The following FAM117B variants were observed in gnomAD, a reference collection of about 807,000 sequenced individuals.
FAM117B encodes the protein family with sequence similarity 117 member B.
A neutral mutation model predicts 52.8 loss-of-function variants in FAM117B; 22 were observed. The ratio of observed to expected loss-of-function variants is 0.42; its 90% CI spans 0.30 to 0.59. The LOEUF is 0.59. Among genes scored for constraint, FAM117B ranks in the 20% least tolerant of loss-of-function variants. FAM117B has a pLI of 0.22. For missense variants in FAM117B, 678 were observed against 802.6 expected, an observed-to-expected ratio of 0.84 and a Z score of 1.88; for synonymous variants, 309 against 324.1, an observed-to-expected ratio of 0.95 and a Z score of 0.50.
At chr2:202,688,617 A>G (rs1195563973) in intron 1 of FAM117B, among the ~76,000 whole-genome samples, 2 of 152,168 alleles carry the variant, frequency 1.3e-5, no homozygotes, top group African/African-American at 4.8e-5. Context: ...AATATTGTTA[A>G]TATATAAAAG....
intron 4 of FAM117B, among the ~76,000 whole-genome samples, chr2:202,753,267 G>A (rs1691752820): frequency 6.6e-6 from 1 of 152,148 alleles, no homozygotes; most frequent in Non-Finnish European, 1.5e-5. Context: ...AAGCAATGAG[G>A]AAAGGATCTC....
chr2:202,676,175 C>T (rs767550223), intron 1 of FAM117B, among the ~76,000 whole-genome samples: 4 of 151,848 alleles, frequency 2.6e-5, no homozygotes, highest in Non-Finnish European at 5.9e-5. Flanking sequence ...TGTCTGTGGC[C>T]AACAACAGTC....
At chr2:202,746,135 T>TA (rs1285109915) in intron 4 of FAM117B, among the ~76,000 whole-genome samples, 1 of 152,174 alleles carries the variant, frequency 6.6e-6, no homozygotes, top group African/African-American at 2.4e-5. Context: ...ATCCAATAGC[T>TA]ACAGAATACA....
At chr2:202,706,297 T>C in intron 2 of FAM117B, among the ~76,000 whole-genome samples, 1 of 152,206 alleles carries the variant, frequency 6.6e-6, no homozygotes, top group East Asian at 1.9e-4. Flanking sequence ...TCTGAGGCTA[T>C]TTTTTTAAAA....
Position 202,672,340 on chromosome 2 carries a change from G to A in FAM117B, c.602-23541G>A, listed in dbSNP as rs116169320. Among the ~76,000 whole-genome samples the A allele has an allele frequency of 3.6e-3, 555 of 152,262 alleles. 5 individuals carry two copies. The highest frequency in any genetic ancestry group is 0.013 in the African/African-American group (535 of 41,540). On this transcript the variant is annotated intron_variant, in intron 1 of 7. Transcript: ENST00000392238. ...CGATTTACCCACCTCAGCCTCCTGAGTCGCTGGGGTTACAGGCGTGCGCCA... is the reference window on the plus strand; with the variant it reads ...CGATTTACCCACCTCAGCCTCCTGAATCGCTGGGGTTACAGGCGTGCGCCA...
At chr2:202,682,625 G>A (rs527943424) in intron 1 of FAM117B, among the ~76,000 whole-genome samples, 30 of 152,272 alleles carry the variant, frequency 2.0e-4, no homozygotes, top group African/African-American at 7.2e-4. Flanking sequence ...ACTGCACCTG[G>A]AACATTCACC....
At chr2:202,667,468 G>C (rs1369897453) in intron 1 of FAM117B, among the ~76,000 whole-genome samples, 1 of 152,096 alleles carries the variant, frequency 6.6e-6, no homozygotes, top group Non-Finnish European at 1.5e-5. Context: ...GTGTCTGTGT[G>C]TGTGTGTCTG....
chr2:202,636,782 G>T (rs955827513), intron 1 of FAM117B, among the ~76,000 whole-genome samples: 1 of 152,210 alleles, frequency 6.6e-6, no homozygotes, highest in Non-Finnish European at 1.5e-5. Flanking sequence ...GGAATTTCAG[G>T]AAACAAATTC....
At position 202,661,055 on chromosome 2, in the gene FAM117B, A is replaced by G. The variant is rs367598512; in HGVS notation, c.601+25267A>G. 1.2e-4 allele frequency among the ~76,000 whole-genome samples: 19 copies of G among 152,328 alleles called. 1 individual carries two copies. The highest frequency in any genetic ancestry group is 6.5e-4 in the Admixed American group (10 of 15,300). On this transcript the variant is annotated intron_variant, in intron 1 of 7. Transcript: ENST00000392238. The stretch of plus-strand genomic sequence containing the variant: ...CTGCCCACTCCTACTGTGCAGTTCT[A>G]AGATTTGGGATGCCCTTGAATCTAA...
chr2:202,753,445 C>G (rs968943805), intron 4 of FAM117B, among the ~76,000 whole-genome samples: 2 of 152,118 alleles, frequency 1.3e-5, no homozygotes, highest in South Asian at 2.1e-4. Flanking sequence ...ATTCAGGACA[C>G]AGGCATGGGC....
chr2:202,696,079 A>G, intron 2 of FAM117B, 47 bp downstream of exon 2: 1 of 1,579,582 alleles, frequency 6.3e-7, no homozygotes, highest in African/African-American at 1.4e-5. Context: ...CTCTGAAGCT[A>G]CTTCTTCTAA....
At position 202,768,127 on chromosome 2, in the gene FAM117B, A is replaced by G. The variant is rs1251588545; in HGVS notation, c.*2363A>G. The G allele has an allele frequency of 6.6e-6, 1 of 152,192 alleles. No homozygotes were observed. Among genetic ancestry groups the G allele is most frequent in the Non-Finnish European group, 1.5e-5 (1 of 68,032 alleles). 9.4% of individuals were successfully genotyped at this position (152,192 alleles called of 1,614,324 possible). A position where few individuals can be genotyped will look rare whatever the true frequency, so the allele number is the denominator to read the frequency against. On this transcript the variant is annotated 3_prime_UTR_variant, in exon 8 of 8. Transcript: ENST00000392238. ...GTTTTTGGATGACTTGAATTCTGTTAAATCTGTGTTCTTGGCCTTGCACTT... is the reference window on the plus strand; with the variant it reads ...GTTTTTGGATGACTTGAATTCTGTTGAATCTGTGTTCTTGGCCTTGCACTT...
In FAM117B at chr2:202,635,754, G is replaced by T; in HGVS notation, c.567G>T (p.Glu189Asp). 1.4e-6 allele frequency: 2 copies of T among 1,457,298 alleles called. No homozygotes were observed. The highest frequency in any genetic ancestry group is 2.6e-5 in the South Asian group (2 of 77,118). The allele number at this position is 1,457,298 out of a possible 1,614,324, so 90.3% of individuals were successfully genotyped here. Reference protein sequence around the residue: ...RSPEQSRSSPEKRSPSAPVCK... With the variant: ...RSPEQSRSSPDKRSPSAPVCK... ...CGGAGCAGAGCCGAAGCTCGCCGGA[G>T]AAGAGGAGCCCCAGCGCCCCGGTTT... Residue 189 changes from glutamate (E) to aspartate (D), a missense_variant, in exon 1 of 8, where the codon GAG becomes GAT. Glu to Asp is a conservative substitution (Grantham distance 45, BLOSUM62 2). Around this residue, in one of 3 missense-constraint regions of FAM117B, gnomAD observed 583 missense variants for 644.8 expected, o/e 0.90. Transcript: ENST00000392238.
intron 1 of FAM117B, among the ~76,000 whole-genome samples, chr2:202,640,895 G>A (rs1389888917): frequency 6.6e-6 from 1 of 152,146 alleles, no homozygotes; most frequent in Non-Finnish European, 1.5e-5. Context: ...AGAGGCACGA[G>A]TCACCCACAC....
intron 1 of FAM117B, among the ~76,000 whole-genome samples, chr2:202,648,614 T>C (rs1020965675): frequency 6.6e-6 from 1 of 150,668 alleles, no homozygotes; most frequent in Non-Finnish European, 1.5e-5. Context: ...TAGTGGACCA[T>C]GCATTATTTC....
At chr2:202,761,583 A>G (rs975944261) in intron 7 of FAM117B, among the ~76,000 whole-genome samples, 1 of 151,900 alleles carries the variant, frequency 6.6e-6, no homozygotes, top group African/African-American at 2.4e-5. Flanking sequence ...CTGGAGTGCA[A>G]TGGCATGATC....
intron 2 of FAM117B, among the ~76,000 whole-genome samples, chr2:202,724,087 T>G (rs1199638785): frequency 3.4e-5 from 3 of 87,282 alleles, no homozygotes; most frequent in East Asian, 6.7e-4. Context: ...AGACGGAGCC[T>G]CCCTCTGTCA....
intron 2 of FAM117B, among the ~76,000 whole-genome samples, chr2:202,711,299 T>G (rs886962099): frequency 6.6e-6 from 1 of 152,334 alleles, no homozygotes; most frequent in Middle Eastern, 3.4e-3. Flanking sequence ...TTTGTGTTTT[T>G]CTGATGAACA....
intron 1 of FAM117B, among the ~76,000 whole-genome samples, chr2:202,642,720 C>A (rs1298294454): frequency 6.6e-6 from 1 of 152,150 alleles, no homozygotes; most frequent in Non-Finnish European, 1.5e-5. Context: ...TCATTTATTG[C>A]AGTTCAGTAA....
Sources: gnomAD v4.1 joint callset for allele counts (sites outside exome capture counted in the v4.1 genomes callset) on GRCh38, gnomAD v4.1.1 for gene constraint, gnomAD v4.1.1 regional missense constraint, MANE v1.5 for transcripts, NCBI Gene and HGNC (gene_info 2026-07-23, HGNC 2026-07-21) for gene names.